Variants in TTC9 observed in about 807,000 individuals in gnomAD.
TTC9 encodes the protein tetratricopeptide repeat protein 9A.
A neutral mutation model predicts 22.9 loss-of-function variants in TTC9; 13 were observed. The observed-to-expected ratio is 0.57, with a 90% confidence interval of 0.37 to 0.90. The LOEUF (loss-of-function observed/expected upper bound fraction) is 0.90. Ranked by LOEUF, TTC9 falls within the 40% of genes least tolerant of loss-of-function variation. The pLI, the probability that TTC9 is intolerant of heterozygous loss-of-function variation, is 0.01. For synonymous variants in TTC9, 148 were observed against 133.2 expected (o/e 1.11, Z -0.77); for missense variants, 280 against 291.8 (o/e 0.96, Z 0.29).
At chr14:70,662,311 A>G (rs1886154770) in intron 1 of TTC9, among the ~76,000 whole-genome samples, 1 of 151,904 alleles carries the variant, frequency 6.6e-6, no homozygotes, top group Non-Finnish European at 1.5e-5. Context: ...TCCTCTGCTC[A>G]TGATGACTAA....
chr14:70,642,346 T>A lies in TTC9; in HGVS notation c.217T>A (p.Phe73Ile). The change falls in exon 1 of 3, where the codon TTC becomes ATC. Residue 73 changes from phenylalanine to isoleucine, a missense_variant. Transcript: ENST00000256367. ...QGAQCYKDKK[F>I]REAIGKYHRA... ...GGCGCAGTGCTACAAGGACAAGAAA[T>A]TCCGTGAAGCCATAGGCAAATACCA... 1 of 1,601,118 alleles carries A rather than the reference T, an allele frequency of 6.2e-7. No homozygotes were observed. Among genetic ancestry groups the A allele is most frequent in the Non-Finnish European group, 8.5e-7 (1 of 1,174,782 alleles).
rs1230938350 is a variant in TTC9 at position 70,673,685 on chromosome 14, G to C, written c.*2530G>C. 6.6e-6 allele frequency: 1 copy of C among 151,828 alleles called. No individual in the cohort carries two copies. The highest frequency in any genetic ancestry group is 1.5e-5 in the Non-Finnish European group (1 of 68,026). 9.4% of individuals were successfully genotyped at this position (151,828 alleles called of 1,614,324 possible). On this transcript the variant is annotated 3_prime_UTR_variant, in exon 3 of 3. Transcript: ENST00000256367. ...AGGGTAGAGGTCACCTGGAGAATGA[G>C]TTCAAACTGCCAGGGTCTTCCCTTG...
At chr14:70,651,105 C>T (rs527951934) in intron 1 of TTC9, among the ~76,000 whole-genome samples, 4 of 152,212 alleles carry the variant, frequency 2.6e-5, no homozygotes, top group African/African-American at 4.8e-5. Flanking sequence ...CTCAGCCTGC[C>T]GAGTAGCTGG....
At chr14:70,665,065 A>ATTTTATG (rs1207213839) in intron 1 of TTC9, among the ~76,000 whole-genome samples, 8 of 152,180 alleles carry the variant, frequency 5.3e-5, no homozygotes, top group African/African-American at 1.7e-4. Context: ...TGCCCCTGTC[A>ATTTTATG]CCACCATTTT....
At chr14:70,666,153 G>A (rs763296362) in intron 1 of TTC9, among the ~76,000 whole-genome samples, 17 of 152,156 alleles carry the variant, frequency 1.1e-4, no homozygotes, top group South Asian at 2.1e-4. Context: ...CCTAGGGCAC[G>A]AAATTTCAAT....
chr14:70,667,983 TC>T (rs1886237966), intron 2 of TTC9, among the ~76,000 whole-genome samples: 1 of 152,182 alleles, frequency 6.6e-6, no homozygotes, highest in South Asian at 2.1e-4. Context: ...GAATTCCTCA[TC>T]TTTTTCAACT....
At chr14:70,647,038 A>T (rs762823995) in intron 1 of TTC9, among the ~76,000 whole-genome samples, 1 of 152,214 alleles carries the variant, frequency 6.6e-6, no homozygotes, top group African/African-American at 2.4e-5. Context: ...TTGACTTGAC[A>T]TGGTGTTTTG....
At position 70,675,123 on chromosome 14, in the gene TTC9, A is replaced by T. The variant is rs112123498; in HGVS notation, c.*3968A>T. The T allele has an allele frequency of 9.9e-5, 15 of 152,160 alleles. No homozygotes were observed. Among genetic ancestry groups the T allele is most frequent in the African/African-American group, 3.1e-4 (13 of 41,444 alleles). The allele number at this position is 152,160 out of a possible 1,614,324, so 9.4% of individuals were successfully genotyped here. On this transcript the variant is annotated 3_prime_UTR_variant, in exon 3 of 3. Transcript: ENST00000256367. ...TGGTAGCTGGGATAATAGTATGTCA[A>T]TGTTATTTTAACTTTCTTTGATTCT...
rs758862304 is a variant in TTC9 at position 70,659,122 on chromosome 14, A to ACACACACGCG, written c.407-8435_407-8434insGCGCACACAC. ...ACGATAAAACTGTATATAACTAAAC[A>ACACACACGCG]CACACACACGCACACACACACACAC... On this transcript the variant is annotated intron_variant, in intron 1 of 2. Transcript: ENST00000256367. Among the ~76,000 whole-genome samples the ACACACACGCG allele has an allele frequency of 9.6e-3, 413 of 43,102 alleles. 3 individuals carry two copies. Among genetic ancestry groups the ACACACACGCG allele is most frequent in the African/African-American group, 0.028 (380 of 13,666 alleles). The allele number at this position is 43,102 out of a possible 152,430, so 28.3% of individuals were successfully genotyped here.
At chr14:70,648,929 T>C (rs1224244926) in intron 1 of TTC9, among the ~76,000 whole-genome samples, 2 of 152,234 alleles carry the variant, frequency 1.3e-5, no homozygotes, top group African/African-American at 4.8e-5. Flanking sequence ...TTATTACCAC[T>C]GTAAAGCTCA....
intron 2 of TTC9, among the ~76,000 whole-genome samples, chr14:70,668,416 G>A (rs1886245190): frequency 6.6e-6 from 1 of 152,188 alleles, no homozygotes; most frequent in South Asian, 2.1e-4. Flanking sequence ...AGTGTGGAGA[G>A]GGGACAGAAC....
chr14:70,646,247 C>T (rs1225657254), intron 1 of TTC9, among the ~76,000 whole-genome samples: 1 of 152,126 alleles, frequency 6.6e-6, no homozygotes, highest in Non-Finnish European at 1.5e-5. Context: ...TCTGTTTCTA[C>T]GGAATTTTGA....
Position 70,667,327 on chromosome 14 carries a change from G to C in TTC9, c.407-237G>C, listed in dbSNP as rs114531468. ...CAACATATCTTTTGGTGGTGGAAGG[G>C]TGGGCATAATTCAACCCATAATACA... On this transcript the variant is annotated intron_variant, in intron 1 of 2. Coordinates refer to ENST00000256367, the MANE Select transcript of TTC9 (RefSeq NM_015351.2). 5.3e-3 allele frequency among the ~76,000 whole-genome samples: 814 copies of C among 152,308 alleles called. 8 individuals are homozygous for C. The highest frequency in any genetic ancestry group is 0.018 in the African/African-American group (762 of 41,560).
At position 70,671,567 on chromosome 14, in the gene TTC9, C is replaced by T. The variant is rs1886295415; in HGVS notation, c.*412C>T. The stretch of plus-strand genomic sequence containing the variant: ...GCTGGATCCTTCCACACTTTCCTGA[C>T]AGACCAGAACCAGAGCATCTCGAGG... On this transcript the variant is annotated 3_prime_UTR_variant, in exon 3 of 3. Transcript: ENST00000256367. 1.1e-5 allele frequency: 2 copies of T among 177,300 alleles called. No homozygotes were observed. Among genetic ancestry groups the T allele is most frequent in the Non-Finnish European group, 2.4e-5 (2 of 83,860 alleles). 11.0% of individuals were successfully genotyped at this position (177,300 alleles called of 1,614,324 possible). A position where few individuals can be genotyped will look rare whatever the true frequency, so the allele number is the denominator to read the frequency against.
rs1326211093 is a variant in TTC9, at chr14:70,674,612, A to G, written c.*3457A>G. 6.6e-6 allele frequency: 1 copy of G among 152,196 alleles called. No homozygotes were observed. Among genetic ancestry groups the G allele is most frequent in the Non-Finnish European group, 1.5e-5 (1 of 68,052 alleles). The allele number at this position is 152,196 out of a possible 1,614,324, so 9.4% of individuals were successfully genotyped here. A position where few individuals can be genotyped will look rare whatever the true frequency, so the allele number is the denominator to read the frequency against. On this transcript the variant is annotated 3_prime_UTR_variant, in exon 3 of 3. Transcript: ENST00000256367. ...GTCTGCCAGCATCTAGTTTCCCTCT[A>G]ATTTATTTTGCATCCTAGTGGAGAT...
intron 1 of TTC9, among the ~76,000 whole-genome samples, chr14:70,655,711 G>A (rs8014821): frequency 0.011 from 1,722 of 152,196 alleles, 31 homozygotes; most frequent in African/African-American, 0.039. Context: ...TCGACTTCCT[G>A]TTGCTGCTAC....
chr14:70,642,225 G>GGC lies in TTC9; in HGVS notation c.97_98insCG (p.Gly33AlafsTer46). The GGC allele has an allele frequency of 7.6e-7, 1 of 1,308,180 alleles. No individual in the cohort carries two copies. 81.0% of individuals were successfully genotyped at this position (1,308,180 alleles called of 1,614,324 possible). On this transcript the variant is annotated frameshift_variant, in exon 1 of 3. Coordinates refer to ENST00000256367, the MANE Select transcript of TTC9 (RefSeq NM_015351.2). LOFTEE classifies it high-confidence loss of function. ...GGCCACCGCCGCCGCTGTGCGTCCC[G>GGC]GGCGGCGGCGGAGGAGCCCCAGCGA... is the stretch of plus-strand genomic sequence containing the variant.
chr14:70,660,651 A>G (rs1458366250), intron 1 of TTC9, among the ~76,000 whole-genome samples: 2 of 152,184 alleles, frequency 1.3e-5, no homozygotes, highest in Non-Finnish European at 2.9e-5. Context: ...AGTGAGTGGC[A>G]GAGCTCAGAT....
intron 1 of TTC9, among the ~76,000 whole-genome samples, chr14:70,665,953 A>G (rs965091957): frequency 9.9e-5 from 15 of 152,142 alleles, no homozygotes; most frequent in Non-Finnish European, 1.9e-4. Flanking sequence ...GAACAGAAGC[A>G]CCAGTTTTGC....
Sources: allele counts gnomAD v4.1 joint callset (sites outside exome capture counted in the v4.1 genomes callset), GRCh38; gene constraint gnomAD v4.1.1; transcripts MANE v1.5; gene names NCBI Gene and HGNC (gene_info 2026-07-23, HGNC 2026-07-21).